The following ADGRB3 variants were observed in gnomAD, a reference collection of about 807,000 sequenced individuals.
ADGRB3 encodes the protein adhesion G protein-coupled receptor B3.
A neutral mutation model predicts 193.4 loss-of-function variants in ADGRB3; 37 were observed. That is an observed-to-expected ratio of 0.19 (90% CI 0.15 to 0.25). ADGRB3 has a LOEUF of 0.25. ADGRB3 is among the 10% of genes least tolerant of loss of function. ADGRB3 has a pLI of 1.00. For synonymous variants in ADGRB3, 690 were observed against 644.2 expected (o/e 1.07, Z -1.08); for missense variants, 1,637 against 1,852.9 (o/e 0.88, Z 2.14).
chr6:68,677,223 G>C (rs1769113702), intron 3 of ADGRB3, among the ~76,000 whole-genome samples: 1 of 152,164 alleles, frequency 6.6e-6, no homozygotes. Context: ...AAAACTGAAA[G>C]TTCATTCTTC....
At chr6:68,686,551 G>A (rs1050264002) in intron 3 of ADGRB3, among the ~76,000 whole-genome samples, 17 of 152,072 alleles carry the variant, frequency 1.1e-4, no homozygotes, top group Non-Finnish European at 2.9e-5. Context: ...TTAAAGCTCT[G>A]CTCTTTTCCA....
chr6:68,650,663 A>G (rs1427134171), intron 3 of ADGRB3, among the ~76,000 whole-genome samples: 1 of 152,196 alleles, frequency 6.6e-6, no homozygotes, highest in East Asian at 1.9e-4. Context: ...AAACAAAAAC[A>G]AAACACATAC....
chr6:68,873,577 C>T (rs988964460), intron 3 of ADGRB3, among the ~76,000 whole-genome samples: 3 of 152,054 alleles, frequency 2.0e-5, no homozygotes, highest in Non-Finnish European at 4.4e-5. Flanking sequence ...TTCTGCTTAT[C>T]CTGAGGGAAA....
intron 30 of ADGRB3, among the ~76,000 whole-genome samples, chr6:69,381,445 A>G (rs1325445702): frequency 2.6e-5 from 4 of 151,950 alleles, no homozygotes; most frequent in Non-Finnish European, 5.9e-5. Context: ...GTTGCAAGAC[A>G]TAAAATGGCA....
intron 17 of ADGRB3, among the ~76,000 whole-genome samples, chr6:69,185,158 C>G (rs1765042846): frequency 6.6e-6 from 1 of 152,064 alleles, no homozygotes; most frequent in South Asian, 2.1e-4. Context: ...ATAAGTATAA[C>G]TTCAGGTGTT....
At chr6:68,658,574 G>T (rs1768545983) in intron 3 of ADGRB3, among the ~76,000 whole-genome samples, 1 of 151,130 alleles carries the variant, frequency 6.6e-6, no homozygotes, top group African/African-American at 2.4e-5. Flanking sequence ...GATAAAAAAT[G>T]GAGTATTGAT....
chr6:68,981,190 G>A (rs999981759), intron 10 of ADGRB3, among the ~76,000 whole-genome samples: 6 of 151,466 alleles, frequency 4.0e-5, no homozygotes, highest in African/African-American at 1.5e-4. Flanking sequence ...ACAATAACAA[G>A]GAAAAGTTAG....
At chr6:68,969,673 A>G (rs921743006) in intron 8 of ADGRB3, among the ~76,000 whole-genome samples, 3 of 152,202 alleles carry the variant, frequency 2.0e-5, no homozygotes, top group African/African-American at 7.2e-5. Flanking sequence ...TCAGAAAGCA[A>G]GCATCATCCT....
At chr6:69,374,237 T>C (rs1375211068) in intron 30 of ADGRB3, among the ~76,000 whole-genome samples, 1 of 152,126 alleles carries the variant, frequency 6.6e-6, no homozygotes, top group Non-Finnish European at 1.5e-5. Context: ...ATAACAGGTA[T>C]GTGGCAGATA....
intron 3 of ADGRB3, among the ~76,000 whole-genome samples, chr6:68,825,685 TAGTG>T (rs1413834384): frequency 1.3e-5 from 2 of 152,004 alleles, no homozygotes; most frequent in African/African-American, 4.8e-5. Flanking sequence ...GTTCTCATGA[TAGTG>T]AGTGAGTTCT....
At chr6:69,141,457 T>C (rs971693249) in intron 17 of ADGRB3, among the ~76,000 whole-genome samples, 6 of 152,128 alleles carry the variant, frequency 3.9e-5, no homozygotes, top group African/African-American at 1.4e-4. Context: ...GGCCAAAGAA[T>C]GCCTCACTGA....
At chr6:68,833,630 T>A (rs899968354) in intron 3 of ADGRB3, among the ~76,000 whole-genome samples, 3 of 150,206 alleles carry the variant, frequency 2.0e-5, no homozygotes, top group African/African-American at 7.4e-5. Flanking sequence ...TTTACTGAGA[T>A]CAGTAAACCA....
At chr6:68,661,019 T>C (rs1768618037) in intron 3 of ADGRB3, among the ~76,000 whole-genome samples, 1 of 150,568 alleles carries the variant, frequency 6.6e-6, no homozygotes, top group African/African-American at 2.4e-5. Context: ...CTAACATATA[T>C]AAAGCATCAC....
chr6:68,831,246 G>T (rs1767945890), intron 3 of ADGRB3, among the ~76,000 whole-genome samples: 1 of 146,436 alleles, frequency 6.8e-6, no homozygotes, highest in East Asian at 2.0e-4. Flanking sequence ...TCAAAGAAGA[G>T]CCCAAGGCTA....
In ADGRB3 at chr6:69,048,308, G is replaced by A. The variant is rs371384745; in HGVS notation, c.2231G>A (p.Ser744Asn). The change falls in exon 14 of 32, where the codon AGC (serine) becomes AAC (asparagine). Residue 744 changes from serine (S) to asparagine (N), a missense_variant. Ser to Asn is a conservative substitution (Grantham distance 46). Transcript: ENST00000370598. ...NSEDRVVIPK[S>N]IFTPVSSKEL... The stretch of plus-strand genomic sequence containing the variant: ...GAAGATAGGGTAGTAATTCCAAAAA[G>A]CATTTTCACTCCGGTGTCATCAAAA... 7 of 1,613,310 alleles carry A rather than the reference G, an allele frequency of 4.3e-6. No homozygotes were observed. The highest frequency in any genetic ancestry group is 5.9e-6 in the Non-Finnish European group (7 of 1,179,674).
chr6:68,684,811 C>T (rs1464402358), intron 3 of ADGRB3, among the ~76,000 whole-genome samples: 1 of 152,056 alleles, frequency 6.6e-6, no homozygotes, highest in East Asian at 1.9e-4. Flanking sequence ...TAAATTATTA[C>T]TAGTCACTCA....
intron 15 of ADGRB3, among the ~76,000 whole-genome samples, chr6:69,057,568 T>C (rs143350313): frequency 6.6e-6 from 1 of 152,148 alleles, no homozygotes; most frequent in Non-Finnish European, 1.5e-5. Context: ...AGATGTGGGT[T>C]TTGCATATAA....
chr6:68,919,995 AGGG>A (rs1290718128), intron 3 of ADGRB3, among the ~76,000 whole-genome samples: 1 of 152,138 alleles, frequency 6.6e-6, no homozygotes, highest in African/African-American at 2.4e-5. Flanking sequence ...TTGGAATGTG[AGGG>A]GGTTGAGATG....
At chr6:69,361,604 G>A in intron 29 of ADGRB3, 92 bp downstream of exon 29, 3 of 1,381,876 alleles carry the variant, frequency 2.2e-6, no homozygotes, top group Non-Finnish European at 2.9e-6. Context: ...TGATTGATGT[G>A]ACACTGGTGT....
Sources: allele counts gnomAD v4.1 joint callset (sites outside exome capture counted in the v4.1 genomes callset), GRCh38; gene constraint gnomAD v4.1.1; transcripts MANE v1.5; gene names NCBI Gene and HGNC (gene_info 2026-07-23, HGNC 2026-07-21).